CLEC1A: variants seen among roughly 807,000 people sequenced by gnomAD.
The protein encoded by CLEC1A is C-type lectin domain family 1 member A.
Under a neutral mutation model 28.7 loss-of-function variants are expected in CLEC1A, and 34 were observed. That is an observed-to-expected ratio of 1.18 (90% CI 0.90 to 1.57). CLEC1A has a LOEUF of 1.57. CLEC1A is among the 40% of genes most tolerant of loss of function. The pLI is 0.00. For missense variants in CLEC1A, 385 were observed against 339.5 expected (o/e 1.13, Z -1.05); for synonymous variants, 116 against 121.0 (o/e 0.96, Z 0.27).
At chr12:10,071,953 A>G (rs56000846) in intron 5 of CLEC1A, among the ~76,000 whole-genome samples, 12,714 of 152,234 alleles carry the variant, frequency 0.084, 641 homozygotes, top group African/African-American at 0.11. Context: ...AGAAATTACA[A>G]TTTCCTCTTT....
In CLEC1A at chr12:10,081,644, G is replaced by A. The variant is rs1463338367; in HGVS notation, c.215-231C>T. On this transcript the variant is annotated intron_variant, in intron 2 of 5. Coordinates refer to ENST00000315330, the MANE Select transcript of CLEC1A (RefSeq NM_016511.4). ...TGTGAAGTCATGAGGAGAAAATGACGGCTAAGAGGGCTAAGATAGAGCTCC... is the reference window on the plus strand; with the variant it reads ...TGTGAAGTCATGAGGAGAAAATGACAGCTAAGAGGGCTAAGATAGAGCTCC... 3.6e-5 allele frequency among the ~76,000 whole-genome samples: 5 copies of A among 140,790 alleles called. No homozygotes were observed. The East Asian group carries it at 9.9e-4, about 28-fold the overall frequency. 92.4% of individuals were successfully genotyped at this position (140,790 alleles called of 152,430 possible). A position where few individuals can be genotyped will look rare whatever the true frequency, so the allele number is the denominator to read the frequency against.
At chr12:10,082,479 C>T (rs148710353) in intron 2 of CLEC1A, among the ~76,000 whole-genome samples, 178 of 152,222 alleles carry the variant, frequency 1.2e-3, no homozygotes, top group African/African-American at 3.9e-3. Flanking sequence ...AGAACCAACC[C>T]CCATCCCCCA....
chr12:10,071,706 C>T (rs1866139322), intron 5 of CLEC1A, among the ~76,000 whole-genome samples, 193 bp from the exon 6 acceptor site: 1 of 152,148 alleles, frequency 6.6e-6, no homozygotes. Context: ...GCAGGTCACC[C>T]CAAACAGCAA....
At position 10,089,125 on chromosome 12, in the gene CLEC1A, C is replaced by A; in HGVS notation, c.213G>T (p.Leu71Phe). Reference sequence around the variant, plus strand: ...CCCCAGGTCAGAGCGCAGACTTACACAAAAGCCCCAGGGCTGCCAGCCCTA... The same window carrying A: ...CCCCAGGTCAGAGCGCAGACTTACAAAAAAGCCCCAGGGCTGCCAGCCCTA... ...LLIGLAALGL[L>F]FFQYYQLSNT... is the part of the protein sequence containing the mutation. Residue 71 changes from leucine to phenylalanine, a missense_variant and splice_region_variant, in exon 2 of 6, where the codon TTG becomes TTT. By Grantham distance (22) the Leu-to-Phe change is conservative (BLOSUM62 0). Transcript: ENST00000315330. 2 of 1,613,390 alleles carry A rather than the reference C, an allele frequency of 1.2e-6. No homozygotes were observed. Among genetic ancestry groups the A allele is most frequent in the Non-Finnish European group, 1.7e-6 (2 of 1,179,352 alleles).
At chr12:10,084,070 A>C (rs1182952476) in intron 2 of CLEC1A, 2 of 152,144 alleles carry the variant, frequency 1.3e-5, no homozygotes, top group Admixed American at 1.3e-4. Context: ...CCTAAGAATA[A>C]TTGTTTCTGA....
chr12:10,073,451 A>G (rs1866185066), intron 4 of CLEC1A, 40 bp from the exon 5 acceptor site: 11 of 1,490,392 alleles, frequency 7.4e-6, no homozygotes, highest in South Asian at 3.4e-5. Context: ...CTTTGGTGGC[A>G]TGATTACTCA....
chr12:10,073,370 A>G lies in CLEC1A; in HGVS notation c.585T>C (p.Ser195=), dbSNP rs1317063718. 3 of 1,613,934 alleles carry G rather than the reference A, an allele frequency of 1.9e-6. No homozygotes were observed. Among genetic ancestry groups the G allele is most frequent in the Non-Finnish European group, 2.5e-6 (3 of 1,179,964 alleles). Reference sequence around the variant, plus strand: ...CAGGGCGCAAAAGCCCTGTCCAATAAGAGTAGAAAAACTCAGAGTAGCTCT... The same window carrying G: ...CAGGGCGCAAAAGCCCTGTCCAATAGGAGTAGAAAAACTCAGAGTAGCTCT... ...ASQSYSEFFY[S]YWTGLLRPDS... Residue 195 remains serine, a synonymous_variant, in exon 5 of 6, where the codon TCT becomes TCC. Coordinates refer to ENST00000315330, the MANE Select transcript of CLEC1A (RefSeq NM_016511.4).
At chr12:10,073,195 G>A in intron 5 of CLEC1A, 98 bp downstream of exon 5, 1 of 836,324 alleles carries the variant, frequency 1.2e-6, no homozygotes, top group South Asian at 1.5e-5. Flanking sequence ...CAAAGCAGAA[G>A]TTTGATTAAT....
At chr12:10,087,640 G>T (rs1334949665) in intron 2 of CLEC1A, among the ~76,000 whole-genome samples, 1 of 148,676 alleles carries the variant, frequency 6.7e-6, no homozygotes, top group Non-Finnish European at 1.5e-5. Context: ...CTCCTGCCTT[G>T]GCCTCCTGAG....
chr12:10,095,368 A>G (rs1947763480), intron 1 of CLEC1A, among the ~76,000 whole-genome samples: 1 of 152,132 alleles, frequency 6.6e-6, no homozygotes, highest in African/African-American at 2.4e-5. Flanking sequence ...CAGGAATCTC[A>G]GCCTGTCAGT....
intron 4 of CLEC1A, among the ~76,000 whole-genome samples, chr12:10,074,681 G>A (rs952297637): frequency 2.0e-5 from 3 of 152,138 alleles, no homozygotes; most frequent in Non-Finnish European, 4.4e-5. Flanking sequence ...TTAAGCCATC[G>A]AGAAAGGGTT....
chr12:10,093,408 T>C (rs1013790465), intron 1 of CLEC1A, among the ~76,000 whole-genome samples: 4 of 150,474 alleles, frequency 2.7e-5, no homozygotes, highest in African/African-American at 9.7e-5. Flanking sequence ...ATCCTCTTAG[T>C]ATTAACCATA....
chr12:10,075,194 A>G (rs1221315952), intron 4 of CLEC1A, among the ~76,000 whole-genome samples: 2 of 152,216 alleles, frequency 1.3e-5, no homozygotes, highest in African/African-American at 4.8e-5. Context: ...CTGACATTGC[A>G]TCAATATTAT....
At chr12:10,073,253 T>C (rs892029297) in intron 5 of CLEC1A, 40 bp downstream of exon 5, 5 of 1,471,758 alleles carry the variant, frequency 3.4e-6, no homozygotes, top group African/African-American at 1.4e-5. Flanking sequence ...CAAAATATCT[T>C]TGTTAAATGC....
chr12:10,091,573 A>T (rs2137367749), intron 1 of CLEC1A, among the ~76,000 whole-genome samples: 1 of 151,626 alleles, frequency 6.6e-6, no homozygotes, highest in African/African-American at 2.4e-5. Context: ...TAACTGAGCT[A>T]TGTGATTTAG....
chr12:10,091,495 A>G (rs912070258), intron 1 of CLEC1A, among the ~76,000 whole-genome samples: 1 of 152,110 alleles, frequency 6.6e-6, no homozygotes, highest in African/African-American at 2.4e-5. Flanking sequence ...GTTTCTATAC[A>G]TTGACTTTTG....
intron 4 of CLEC1A, among the ~76,000 whole-genome samples, chr12:10,074,061 G>A (rs1166012467): frequency 6.6e-6 from 1 of 151,978 alleles, no homozygotes; most frequent in East Asian, 1.9e-4. Context: ...AGATATTTTT[G>A]GAGGATTGGT....
chr12:10,091,246 CTGAA>C (rs2137367184), intron 1 of CLEC1A, among the ~76,000 whole-genome samples: 1 of 152,228 alleles, frequency 6.6e-6, no homozygotes, highest in Non-Finnish European at 1.5e-5. Context: ...ATTTCCACTA[CTGAA>C]AGTAGTGCCT....
At chr12:10,092,713 G>C (rs1161749389) in intron 1 of CLEC1A, among the ~76,000 whole-genome samples, 1 of 151,946 alleles carries the variant, frequency 6.6e-6, no homozygotes, top group African/African-American at 2.4e-5. Context: ...TTAGAAATCA[G>C]AACATCTTTC....
Sources: allele counts gnomAD v4.1 joint callset (sites outside exome capture counted in the v4.1 genomes callset), GRCh38; gene constraint gnomAD v4.1.1; transcripts MANE v1.5; gene names NCBI Gene and HGNC (gene_info 2026-07-23, HGNC 2026-07-21).